The following MAML2 variants were observed in gnomAD, a reference collection of about 807,000 sequenced individuals.
MAML2 encodes mastermind like transcriptional coactivator 2.
MAML2 carries 22 observed loss-of-function variants against 96.1 expected under a neutral mutation model. The observed-to-expected ratio is 0.23, with a 90% CI of 0.16 to 0.33. The LOEUF is 0.33. Ranked by LOEUF, MAML2 falls within the 10% of genes least tolerant of loss-of-function variation. The probability of loss-of-function intolerance (pLI) is 1.00; values close to 1 mark genes in which losing one functional copy is unlikely to be tolerated. For missense variants in MAML2, 1,367 were observed against 1,392.4 expected, an observed-to-expected ratio of 0.98 and a Z score of 0.29; for synonymous variants, 561 against 521.3, an observed-to-expected ratio of 1.08 and a Z score of -1.04.
At chr11:96,338,536 A>G (rs983881267) in intron 1 of MAML2, among the ~76,000 whole-genome samples, 8 of 152,364 alleles carry the variant, frequency 5.3e-5, no homozygotes, top group African/African-American at 1.9e-4. Flanking sequence ...GAAAGTCAAC[A>G]TTATCCCACC....
intron 1 of MAML2, among the ~76,000 whole-genome samples, chr11:96,277,700 T>C (rs1863009109): frequency 7.1e-6 from 1 of 141,468 alleles, no homozygotes; most frequent in African/African-American, 2.7e-5. Context: ...ATCATGCCAC[T>C]GCACTCCAGC....
intron 1 of MAML2, among the ~76,000 whole-genome samples, chr11:96,232,053 G>A (rs1403792948): frequency 6.6e-6 from 1 of 152,210 alleles, no homozygotes; most frequent in Non-Finnish European, 1.5e-5. Flanking sequence ...ATCCGAGGAA[G>A]ATGAGTTTGC....
At chr11:95,988,418 C>T (rs1018991249) in intron 3 of MAML2, among the ~76,000 whole-genome samples, 1 of 151,260 alleles carries the variant, frequency 6.6e-6, no homozygotes, top group African/African-American at 2.4e-5. Context: ...GCCATCATGC[C>T]CAGCTAATTT....
intron 1 of MAML2, among the ~76,000 whole-genome samples, chr11:96,311,830 G>T (rs973755030): frequency 3.3e-5 from 5 of 152,084 alleles, no homozygotes; most frequent in African/African-American, 1.2e-4. Flanking sequence ...GATGAGGAAG[G>T]CTTTTTTCCA....
chr11:96,146,979 C>G (rs559064451), intron 1 of MAML2, among the ~76,000 whole-genome samples: 10 of 152,306 alleles, frequency 6.6e-5, no homozygotes, highest in African/African-American at 2.4e-4. Context: ...GATCATGAGA[C>G]TTGAGTTCAA....
intron 2 of MAML2, among the ~76,000 whole-genome samples, chr11:96,002,661 GATGATGAAGA>G (rs1400711311): frequency 0.016 from 26 of 1,670 alleles, no homozygotes; most frequent in African/African-American, 0.052. Context: ...TGATGATGGG[GATGATGAAGA>G]ATAATGATGG....
intron 2 of MAML2, among the ~76,000 whole-genome samples, chr11:96,009,034 G>C (rs1487451116): frequency 6.6e-6 from 1 of 152,114 alleles, no homozygotes; most frequent in African/African-American, 2.4e-5. Flanking sequence ...TGGGGAAGGT[G>C]TTATGTTAAT....
chr11:96,326,747 A>G (rs574899599), intron 1 of MAML2, among the ~76,000 whole-genome samples: 2 of 151,676 alleles, frequency 1.3e-5, no homozygotes, highest in Non-Finnish European at 2.9e-5. Flanking sequence ...CCGGGCAACA[A>G]GAGCAAAAGT....
intron 1 of MAML2, among the ~76,000 whole-genome samples, chr11:96,188,072 C>A (rs1045755204): frequency 3.3e-5 from 5 of 152,232 alleles, no homozygotes; most frequent in Non-Finnish European, 7.3e-5. Flanking sequence ...ATCATCACTA[C>A]AGCACCCTGC....
chr11:96,318,082 G>A (rs182217662), intron 1 of MAML2, among the ~76,000 whole-genome samples: 97 of 152,310 alleles, frequency 6.4e-4, no homozygotes, highest in African/African-American at 1.9e-3. Context: ...GTTGAACTAG[G>A]AGGTCATTTC....
chr11:96,195,701 G>A (rs1262543119), intron 1 of MAML2, among the ~76,000 whole-genome samples: 1 of 152,176 alleles, frequency 6.6e-6, no homozygotes, highest in Non-Finnish European at 1.5e-5. Flanking sequence ...TAGAATGGAC[G>A]ACCTGTGTGC....
At chr11:96,093,613 T>G (rs2135814099) in intron 1 of MAML2, 96 bp from the exon 2 acceptor site, 1 of 924,342 alleles carries the variant, frequency 1.1e-6, no homozygotes, top group Non-Finnish European at 1.6e-6. Flanking sequence ...GTTTCTTCTA[T>G]TTACACACAA....
intron 1 of MAML2, among the ~76,000 whole-genome samples, chr11:96,239,600 C>T (rs184607575): frequency 2.1e-4 from 32 of 150,782 alleles, no homozygotes; most frequent in Admixed American, 1.8e-3. Context: ...AAAGTACAGG[C>T]GAATCAAGAA....
intron 2 of MAML2, among the ~76,000 whole-genome samples, chr11:96,012,936 C>T (rs974516782): frequency 6.6e-6 from 1 of 152,176 alleles, no homozygotes; most frequent in Admixed American, 6.5e-5. Flanking sequence ...GTTCCCTTTT[C>T]CTGTGTCTTT....
In MAML2 at chr11:96,299,202, G is replaced by A. The variant is rs1403589645; in HGVS notation, c.513+42181C>T. On this transcript the variant is annotated intron_variant, in intron 1 of 4. Coordinates refer to ENST00000524717, the MANE Select transcript of MAML2 (RefSeq NM_032427.4). ...ATCTGCCCAAATTCACAAAGTGGTAGAGGCTGAGTGTGAATTCAGTCTGTC... is the reference window on the plus strand; with the variant it reads ...ATCTGCCCAAATTCACAAAGTGGTAAAGGCTGAGTGTGAATTCAGTCTGTC... Among the ~76,000 whole-genome samples the A allele has an allele frequency of 4.7e-5, 7 of 150,508 alleles. No homozygotes were observed. The East Asian group carries it at 1.4e-3, about 29-fold the overall frequency.
chr11:96,090,772 CCAA>C (rs1859690991), intron 2 of MAML2, among the ~76,000 whole-genome samples: 2 of 152,154 alleles, frequency 1.3e-5, no homozygotes, highest in South Asian at 4.1e-4. Flanking sequence ...GTTCTCTTGG[CCAA>C]CAACTAGGGC....
chr11:96,340,227 G>T (rs1863973903), intron 1 of MAML2, among the ~76,000 whole-genome samples: 1 of 152,232 alleles, frequency 6.6e-6, no homozygotes, highest in Non-Finnish European at 1.5e-5. Flanking sequence ...TGGAGGAGCA[G>T]TTAGACACAA....
chr11:96,181,943 A>C (rs2135911420), intron 1 of MAML2, among the ~76,000 whole-genome samples: 1 of 152,336 alleles, frequency 6.6e-6, no homozygotes, highest in South Asian at 2.1e-4. Context: ...TAAATTTCCT[A>C]AACTCAGTTT....
At position 96,341,384 on chromosome 11, in the gene MAML2, G is replaced by C. The variant is rs781570943; in HGVS notation, c.512C>G (p.Ala171Gly). 6.6e-7 allele frequency: 1 copy of C among 1,514,542 alleles called. No homozygotes were observed. Among genetic ancestry groups the C allele is most frequent in the South Asian group, 1.3e-5 (1 of 77,804 alleles). The allele number at this position is 1,514,542 out of a possible 1,614,324, so 93.8% of individuals were successfully genotyped here. The change falls in exon 1 of 5, where the codon GCG (alanine) becomes GGG (glycine). Residue 171 changes from alanine (A) to glycine (G), a missense_variant and splice_region_variant. By Grantham distance (60) the Ala-to-Gly change is moderately conservative (BLOSUM62 0). Transcript: ENST00000524717. ...PGDQRNSALI[A>G]LQGSLKRKQV... Reference sequence around the variant, plus strand: ...ACCATGAGAAAGCCAGGTGCTTACCGCAATCAGGGCTGAGTTCCTCTGGTC... The same window carrying C: ...ACCATGAGAAAGCCAGGTGCTTACCCCAATCAGGGCTGAGTTCCTCTGGTC...
Sources: gnomAD v4.1 joint callset for allele counts (sites outside exome capture counted in the v4.1 genomes callset) on GRCh38, gnomAD v4.1.1 for gene constraint, MANE v1.5 for transcripts, NCBI Gene and HGNC (gene_info 2026-07-23, HGNC 2026-07-21) for gene names.